Variants in MUC12 observed in about 807,000 individuals in gnomAD.
MUC12 encodes the protein mucin 12, cell surface associated.
Under a neutral mutation model 230.8 loss-of-function variants are expected in MUC12, and 172 were observed. That is an observed-to-expected ratio of 0.75 (90% CI 0.66 to 0.85). The LOEUF (loss-of-function observed/expected upper bound fraction) is 0.85. MUC12 is among the 40% of genes least tolerant of loss of function. The probability of loss-of-function intolerance (pLI) is 0.00; values close to 1 mark genes in which losing one functional copy is unlikely to be tolerated. For synonymous variants in MUC12, 1,259 were observed against 2,401.9 expected, an observed-to-expected ratio of 0.52 and a Z score of 13.91; for missense variants, 3,506 against 5,920.6, an observed-to-expected ratio of 0.59 and a Z score of 13.38.
At position 100,991,742 on chromosome 7, in the gene MUC12, AAC is replaced by A. The variant is rs1297162131; in HGVS notation, c.1187_1188del (p.Thr396LysfsTer6). On this transcript the variant is annotated frameshift_variant, in exon 2 of 12. Coordinates refer to ENST00000536621, the MANE Select transcript of MUC12 (RefSeq NM_001164462.2). LOFTEE classifies it high-confidence loss of function. ...EESATFHGST[T>X]HTKSSTPSTT... is the part of the protein sequence containing the mutation. ...AATCAGCAACTTTCCACGGCAGCAC[AAC>A]ACACACAAAATCTTCAACTCCTAGC... 1.3e-6 allele frequency: 2 copies of A among 1,537,876 alleles called. No homozygotes were observed. The highest frequency in any genetic ancestry group is 3.9e-5 in the Admixed American group (2 of 50,982).
At chr7:100,969,811 C>A in intron 1 of MUC12, 122 bp downstream of exon 1, 2 of 1,408,684 alleles carry the variant, frequency 1.4e-6, no homozygotes, top group Non-Finnish European at 9.7e-7. Context: ...GGGGCTGCCA[C>A]AGGGCTGGAG....
intron 9 of MUC12, among the ~76,000 whole-genome samples, chr7:101,014,698 G>A (rs1793889773): frequency 6.6e-6 from 1 of 152,038 alleles, no homozygotes; most frequent in Admixed American, 6.6e-5. Flanking sequence ...GGCTGGTCTT[G>A]AACTCCTGAC....
intron 1 of MUC12, among the ~76,000 whole-genome samples, chr7:100,985,292 G>C (rs866680195): frequency 6.6e-6 from 1 of 152,132 alleles, no homozygotes; most frequent in Non-Finnish European, 1.5e-5. Flanking sequence ...CTGGGTGGGG[G>C]CCACAAGATC....
chr7:100,979,544 G>A (rs1474450415), intron 1 of MUC12, among the ~76,000 whole-genome samples: 1 of 152,170 alleles, frequency 6.6e-6, no homozygotes, highest in Non-Finnish European at 1.5e-5. Flanking sequence ...CACTTTGGGA[G>A]ACCAAGGCAG....
At chr7:100,970,414 T>C (rs1382452901) in intron 1 of MUC12, among the ~76,000 whole-genome samples, 1 of 148,266 alleles carries the variant, frequency 6.7e-6, no homozygotes, top group African/African-American at 2.5e-5. Flanking sequence ...TGGAACCTGG[T>C]AGGTGGAGTT....
Position 101,004,722 on chromosome 7 carries a change from CA to C in MUC12, c.14161del (p.Met4721TrpfsTer5). Reference protein sequence around the residue: ...ESTTFYISPGSMETTLASTAT... With the variant: ...ESTTFYISPGXMETTLASTAT... ...ACCACCTTCTATATCTCTCCAGGCT[CA>C]ATGGAAACAACATTAGCCAGCACTG... On this transcript the variant is annotated frameshift_variant, in exon 2 of 12. Coordinates refer to ENST00000536621, the MANE Select transcript of MUC12 (RefSeq NM_001164462.2). LOFTEE classifies it high-confidence loss of function. 1.8e-5 allele frequency: 27 copies of C among 1,537,060 alleles called. No homozygotes were observed. The highest frequency in any genetic ancestry group is 2.4e-5 in the Non-Finnish European group (27 of 1,146,416).
In MUC12 at chr7:100,979,691, G is replaced by A. The variant is rs1038568175; in HGVS notation, c.67+10002G>A. Among the ~76,000 whole-genome samples, 9 of 152,000 alleles carry A rather than the reference G, an allele frequency of 5.9e-5. No homozygotes were observed. In the Middle Eastern group the frequency reaches 0.01, roughly 172 times the overall value. On this transcript the variant is annotated intron_variant, in intron 1 of 11. Coordinates refer to ENST00000536621, the MANE Select transcript of MUC12 (RefSeq NM_001164462.2). Reference sequence around the variant, plus strand: ...CTCAGGAGGCTGAGGCAGGAGAATCGCTTGAACCTGGGAGACAGAGGTTGC... The same window carrying A: ...CTCAGGAGGCTGAGGCAGGAGAATCACTTGAACCTGGGAGACAGAGGTTGC...
chr7:101,009,899 G>A (rs1439832500), intron 5 of MUC12, among the ~76,000 whole-genome samples: 2 of 152,194 alleles, frequency 1.3e-5, no homozygotes, highest in Non-Finnish European at 2.9e-5. Context: ...GATGGCTCAT[G>A]CCAAGTTAGT....
Position 101,013,979 on chromosome 7 carries a change from C to A in MUC12, c.15705C>A (p.Leu5235=), listed in dbSNP as rs1312854749. ...GTGAATTCAACATCGCCAAGAGCCT[C>A]GTGTATGGGATCGTGGGGGCTGTGA... The part of the protein sequence containing the change: ...ETCEFNIAKS[L]VYGIVGAVMA... The change falls in exon 9 of 12, where the codon CTC becomes CTA. Residue 5235 remains leucine, a synonymous_variant. Coordinates refer to ENST00000536621, the MANE Select transcript of MUC12 (RefSeq NM_001164462.2). 1 of 1,536,634 alleles carries A rather than the reference C, an allele frequency of 6.5e-7. No homozygotes were observed. The highest frequency in any genetic ancestry group is 1.2e-5 in the South Asian group (1 of 83,868).
At position 101,014,001 on chromosome 7, in the gene MUC12, G is replaced by A; in HGVS notation, c.15727G>A (p.Val5243Met). 6.5e-7 allele frequency: 1 copy of A among 1,537,062 alleles called. No homozygotes were observed. The highest frequency in any genetic ancestry group is 2.4e-5 in the East Asian group (1 of 40,912). Reference protein sequence around the residue: ...KSLVYGIVGAVMAVLLLALII... With the variant: ...KSLVYGIVGAMMAVLLLALII... ...CCTCGTGTATGGGATCGTGGGGGCTGTGATGGCGGTGCTGCTGCTCGCATT... is the reference window on the plus strand; with the variant it reads ...CCTCGTGTATGGGATCGTGGGGGCTATGATGGCGGTGCTGCTGCTCGCATT... The change falls in exon 9 of 12, where the codon GTG (valine) becomes ATG (methionine). Residue 5243 changes from valine (V) to methionine (M), a missense_variant. Physicochemically the swap from Val to Met is conservative, Grantham distance 21. Transcript: ENST00000536621.
chr7:100,995,631 C>T lies in MUC12; in HGVS notation c.5068C>T (p.Gln1690Ter), dbSNP rs900670741. 1.1e-5 allele frequency: 17 copies of T among 1,536,984 alleles called. No individual in the cohort carries two copies. The highest frequency in any genetic ancestry group is 3.6e-5 in the South Asian group (3 of 84,060). ...ACGTCAGGGAGAATCTACCACCTTCCAGAGCTGGCCAAGCTCAAAGGACAC... is the reference window on the plus strand; with the variant it reads ...ACGTCAGGGAGAATCTACCACCTTCTAGAGCTGGCCAAGCTCAAAGGACAC... ...TTRQGESTTFQSWPSSKDTMP... is the reference protein window; with the variant it reads ...TTRQGESTTF Residue 1690 changes from glutamine to a stop codon, truncating the protein, a stop_gained, in exon 2 of 12, where the codon CAG becomes TAG. Transcript: ENST00000536621. LOFTEE classifies it high-confidence loss of function.
At position 100,997,292 on chromosome 7, in the gene MUC12, C is replaced by G. The variant is rs747368550; in HGVS notation, c.6729C>G (p.Val2243=). The change falls in exon 2 of 12, where the codon GTC becomes GTG. Residue 2243 remains valine (V), a synonymous_variant. Coordinates refer to ENST00000536621, the MANE Select transcript of MUC12 (RefSeq NM_001164462.2). ...GCCTCAGTGAGGAATCTACCACCGT[C>G]TACAGCAGCAGCCCAGGCTCAACTG... is the stretch of plus-strand genomic sequence containing the variant. ...TPGLSEESTT[V]YSSSPGSTET... 3.3e-4 allele frequency: 80 copies of G among 246,096 alleles called. No individual in the cohort carries two copies. The allele number at this position is 246,096 out of a possible 1,614,324, so 15.2% of individuals were successfully genotyped here.
In MUC12 at chr7:100,992,148, G is replaced by C; in HGVS notation, c.1585G>C (p.Gly529Arg). The C allele has an allele frequency of 6.5e-7, 1 of 1,537,904 alleles. No homozygotes were observed. The highest frequency in any genetic ancestry group is 2.4e-5 in the East Asian group (1 of 40,930). Residue 529 changes from glycine to arginine, a missense_variant, in exon 2 of 12, where the codon GGC becomes CGC. Gly to Arg is a moderately radical substitution (Grantham distance 125). Coordinates refer to ENST00000536621, the MANE Select transcript of MUC12 (RefSeq NM_001164462.2). ...ATCCACCACCTCCCACAGCCGACCA[G>C]GCTCAACACACACAACAGCATTCCC... ...EESTTSHSRP[G>R]STHTTAFPGS...
In MUC12 at chr7:100,991,648, A is replaced by C; in HGVS notation, c.1085A>C (p.His362Pro). Residue 362 changes from histidine (H) to proline (P), a missense_variant, in exon 2 of 12, where the codon CAC becomes CCC. His to Pro is a moderately conservative substitution (Grantham distance 77). Transcript: ENST00000536621. ...SGHVEESTAY[H>P]RSPGSTQTMH... ...CATGTTGAAGAATCTACAGCCTACC[A>C]CAGGAGCCCGGGCTCAACTCAAACA... 1 of 1,537,060 alleles carries C rather than the reference A, an allele frequency of 6.5e-7. No individual in the cohort carries two copies. The highest frequency in any genetic ancestry group is 8.7e-7 in the Non-Finnish European group (1 of 1,146,346).
chr7:100,980,384 T>C (rs574479124), intron 1 of MUC12, among the ~76,000 whole-genome samples: 14 of 152,294 alleles, frequency 9.2e-5, no homozygotes, highest in African/African-American at 3.4e-4. Flanking sequence ...ATAAACATTG[T>C]TAACATTTTA....
chr7:100,977,050 CAAAAAAAAAAAAAAA>C (rs1157648244), intron 1 of MUC12, among the ~76,000 whole-genome samples: 11 of 62,426 alleles, frequency 1.8e-4, no homozygotes, highest in Middle Eastern at 0.013. Context: ...GACTCCATCT[CAAAAAAAAAAAAAAA>C]AAAAAAAAAA....
chr7:101,006,570 T>C lies in MUC12; in HGVS notation c.15056T>C (p.Val5019Ala), dbSNP rs181322470. Residue 5019 changes from valine to alanine, a missense_variant and splice_region_variant, in exon 3 of 12, where the codon GTA becomes GCA. By Grantham distance (64) the Val-to-Ala change is moderately conservative. Coordinates refer to ENST00000536621, the MANE Select transcript of MUC12 (RefSeq NM_001164462.2). ...QCLSPLESFP[V>A]ETPEKLNATL... Reference sequence around the variant, plus strand: ...TTGTCCCCTCTGGAATCCTTCCCTGTAGGTAATGACCTTTTCTGAGACCTG... The same window carrying C: ...TTGTCCCCTCTGGAATCCTTCCCTGCAGGTAATGACCTTTTCTGAGACCTG... 1.8e-4 allele frequency: 280 copies of C among 1,533,682 alleles called. No homozygotes were observed. The highest frequency in any genetic ancestry group is 8.4e-4 in the Middle Eastern group (5 of 5,988).
chr7:100,990,777 T>A lies in MUC12; in HGVS notation c.214T>A (p.Ser72Thr). ...STATKHFLDS[S>T]TNSGHSEEST... The stretch of plus-strand genomic sequence containing the variant: ...TGCAACAAAACACTTCCTTGACAGC[T>A]CCACAAACTCAGGCCACAGTGAGGA... The change falls in exon 2 of 12, where the codon TCC becomes ACC. Residue 72 changes from serine (S) to threonine (T), a missense_variant. Transcript: ENST00000536621. The A allele has an allele frequency of 2.0e-6, 3 of 1,537,786 alleles. No individual in the cohort carries two copies. The highest frequency in any genetic ancestry group is 1.7e-4 in the Middle Eastern group (1 of 5,994).
intron 1 of MUC12, among the ~76,000 whole-genome samples, chr7:100,985,287 T>G (rs920457528): frequency 6.6e-6 from 1 of 151,640 alleles, no homozygotes; most frequent in Non-Finnish European, 1.5e-5. Context: ...AGTTCCTGGG[T>G]GGGGGCCACA....
Sources: gnomAD v4.1 joint callset for allele counts (sites outside exome capture counted in the v4.1 genomes callset) on GRCh38, gnomAD v4.1.1 for gene constraint, MANE v1.5 for transcripts, NCBI Gene and HGNC (gene_info 2026-07-23, HGNC 2026-07-21) for gene names.